RAB36: variants seen among roughly 807,000 people sequenced by gnomAD.
The protein encoded by RAB36 is ras-related protein Rab-36.
RAB36 carries 33 observed loss-of-function variants against 39.3 expected under a neutral mutation model. That is an observed-to-expected ratio of 0.84 (90% CI 0.64 to 1.12). The LOEUF is 1.12. Ranked by LOEUF, RAB36 falls within the 50% of genes most tolerant of loss-of-function variation. The pLI is 0.00. For missense variants in RAB36, 308 were observed against 355.3 expected (o/e 0.87, Z 1.07); for synonymous variants, 133 against 140.2 (o/e 0.95, Z 0.36).
In RAB36 at chr22:23,158,959, G is replaced by A. The variant is rs1201805921; in HGVS notation, c.508G>A (p.Gly170Arg). ...EAGSCFIFLV[G>R]TKKDLLSGAA... ...AGGCTCCTGCTTCATCTTCCTCGTG[G>A]GAACCAAGAAGGACCTTCTGGTGAG... The change falls in exon 8 of 11, where the codon GGA becomes AGA. Residue 170 changes from glycine (G) to arginine (R), a missense_variant. Gly to Arg is a moderately radical substitution (Grantham distance 125). Transcript: ENST00000263116. The A allele has an allele frequency of 7.4e-6, 12 of 1,614,204 alleles. No individual in the cohort carries two copies. The highest frequency in any genetic ancestry group is 8.5e-6 in the Non-Finnish European group (10 of 1,180,024).
At chr22:23,146,461 C>G in intron 1 of RAB36, 144 bp from the exon 2 acceptor site, 1 of 1,349,818 alleles carries the variant, frequency 7.4e-7, no homozygotes, top group Non-Finnish European at 9.6e-7. Context: ...ATCCTCCCAC[C>G]TTGGCCTCCC....
At chr22:23,168,495 G>A (rs190608046), downstream of RAB36, among the ~76,000 whole-genome samples, 64 of 146,740 alleles carry the variant, frequency 4.4e-4, no homozygotes, top group African/African-American at 1.4e-3. Context: ...ACCGCTCCCC[G>A]CCACACACAC....
At chr22:23,155,900 T>C (rs2071420344) in intron 5 of RAB36, 68 bp from the exon 6 acceptor site, 1 of 1,438,180 alleles carries the variant, frequency 7.0e-7, no homozygotes, top group Non-Finnish European at 9.4e-7. Context: ...TCCCGTAGCC[T>C]GTTGGCTCAA....
At chr22:23,157,254 GTT>G (rs57940333) in intron 6 of RAB36, among the ~76,000 whole-genome samples, 29 of 145,990 alleles carry the variant, frequency 2.0e-4, no homozygotes, top group Middle Eastern at 3.4e-3. Context: ...GGACTAACAG[GTT>G]TTTTTTTTTT....
downstream of RAB36, among the ~76,000 whole-genome samples, chr22:23,168,756 G>A (rs535982976): frequency 6.6e-6 from 1 of 152,086 alleles, no homozygotes; most frequent in Non-Finnish European, 1.5e-5. Flanking sequence ...CAGTGTCTAA[G>A]CCTGGGCCCC....
In RAB36 at chr22:23,151,027, C is replaced by G. The variant is rs145493284; in HGVS notation, c.161+873C>G. Among the ~76,000 whole-genome samples, 488 of 152,336 alleles carry G rather than the reference C, an allele frequency of 3.2e-3. 4 individuals carry two copies. The highest frequency in any genetic ancestry group is 0.011 in the African/African-American group (460 of 41,568). On this transcript the variant is annotated intron_variant, in intron 3 of 10. Transcript: ENST00000263116. ...CATTCCTTCTTTTAACAAATAGGTA[C>G]AAGGGCCTGCTTTTGCCCCTCTTCC...
At chr22:23,152,613 T>G in intron 4 of RAB36, 87 bp downstream of exon 4, 1 of 1,283,250 alleles carries the variant, frequency 7.8e-7, no homozygotes, top group South Asian at 1.2e-5. Context: ...AATATCAACA[T>G]AGCAGAAATC....
chr22:23,160,127 C>G (rs1180734509), intron 9 of RAB36, among the ~76,000 whole-genome samples: 1 of 152,162 alleles, frequency 6.6e-6, no homozygotes, highest in African/African-American at 2.4e-5. Context: ...GAGGGGACAG[C>G]AGATATCTAG....
intron 3 of RAB36, 86 bp from the exon 4 acceptor site, chr22:23,152,375 G>A: frequency 7.1e-7 from 1 of 1,399,336 alleles, no homozygotes; most frequent in South Asian, 1.2e-5. Context: ...CTCACCAGCA[G>A]AGAGCTCAGG....
At position 23,153,063 on chromosome 22, in the gene RAB36, C is replaced by T. The variant is rs771996756; in HGVS notation, c.258C>T (p.Tyr86=). The change falls in exon 5 of 11, where the codon TAC becomes TAT. Residue 86 remains tyrosine (Y), a synonymous_variant. Coordinates refer to ENST00000263116, the MANE Select transcript of RAB36 (RefSeq NM_004914.5). The part of the protein sequence containing the change: ...RFCKNVFDRD[Y]KATIGVDFEI... Reference sequence around the variant, plus strand: ...GCAAGAATGTTTTTGATCGAGACTACAAGGCCACCATTGGGGTGGACTTTG... The same window carrying T: ...GCAAGAATGTTTTTGATCGAGACTATAAGGCCACCATTGGGGTGGACTTTG... 3.1e-6 allele frequency: 5 copies of T among 1,614,084 alleles called. No homozygotes were observed. In the Admixed American group the frequency reaches 6.7e-5, roughly 22 times the overall value.
In RAB36 at chr22:23,162,689, T is replaced by C. The variant is rs1308060077; in HGVS notation, c.*1125T>C. The C allele has an allele frequency of 2.2e-6, 1 of 456,296 alleles. No individual in the cohort carries two copies. The highest frequency in any genetic ancestry group is 6.9e-5 in the East Asian group (1 of 14,390). 28.3% of individuals were successfully genotyped at this position (456,296 alleles called of 1,614,324 possible). ...CAGCCCCAGGCCCCTGTCACCTGGC[T>C]ATGCCCACTCATCCCACCCGTCTCG... On this transcript the variant is annotated 3_prime_UTR_variant, in exon 11 of 11. Coordinates refer to ENST00000263116, the MANE Select transcript of RAB36 (RefSeq NM_004914.5).
At chr22:23,159,128 C>CGGG in intron 8 of RAB36, 35 bp from the exon 9 acceptor site, 1 of 1,601,324 alleles carries the variant, frequency 6.2e-7, no homozygotes, top group East Asian at 2.2e-5. Context: ...GCAGGAGAGC[C>CGGG]GGGACGCTGG....
chr22:23,158,362 C>T (rs1240478798), intron 7 of RAB36, among the ~76,000 whole-genome samples: 1 of 152,226 alleles, frequency 6.6e-6, no homozygotes, highest in Non-Finnish European at 1.5e-5. Context: ...GAATGAGGTG[C>T]CCCACGTGTT....
At chr22:23,154,942 A>G (rs2071371514) in intron 5 of RAB36, among the ~76,000 whole-genome samples, 2 of 152,152 alleles carry the variant, frequency 1.3e-5, no homozygotes, top group Non-Finnish European at 1.5e-5. Context: ...CCTGACCAAC[A>G]TGGAGAAACC....
rs1166460846 is a variant in RAB36 at position 23,152,485 on chromosome 22, G to A, written c.186G>A (p.Val62=). Residue 62 remains valine (V), a synonymous_variant, in exon 4 of 11, where the codon GTG becomes GTA. Transcript: ENST00000263116. Reference sequence around the variant, plus strand: ...GGCTCAAACTCTCCAAGGTGGTGGTGGTTGGCGATCTCTACGTGGGGAAGA... The same window carrying A: ...GGCTCAAACTCTCCAAGGTGGTGGTAGTTGGCGATCTCTACGTGGGGAAGA... The part of the protein sequence containing the change: ...TVGLKLSKVV[V]VGDLYVGKTS... 17 of 1,614,176 alleles carry A rather than the reference G, an allele frequency of 1.1e-5. No individual in the cohort carries two copies. The highest frequency in any genetic ancestry group is 1.7e-5 in the Admixed American group (1 of 60,028).
intron 3 of RAB36, 110 bp downstream of exon 3, chr22:23,150,264 T>G: frequency 1.2e-6 from 1 of 851,232 alleles, no homozygotes; most frequent in Non-Finnish European, 1.9e-6. Context: ...GGTGCAGCCC[T>G]GTACAGGCCT....
rs920228190 is a variant in RAB36, at chr22:23,164,142, A to G, written c.*2578A>G. The G allele has an allele frequency of 3.9e-5, 6 of 152,266 alleles. No individual in the cohort carries two copies. The highest frequency in any genetic ancestry group is 8.8e-5 in the Non-Finnish European group (6 of 68,060). The allele number at this position is 152,266 out of a possible 1,614,324, so 9.4% of individuals were successfully genotyped here. On this transcript the variant is annotated 3_prime_UTR_variant, in exon 11 of 11. Coordinates refer to ENST00000263116, the MANE Select transcript of RAB36 (RefSeq NM_004914.5). ...ATTAGGAAGACCAGGTTTGCTGGGC[A>G]TAAGCTTCACAGGACGGGAGAACCT...
chr22:23,156,719 C>CA (rs768681741), intron 6 of RAB36, among the ~76,000 whole-genome samples: 1 of 152,184 alleles, frequency 6.6e-6, no homozygotes, highest in Non-Finnish European at 1.5e-5. Flanking sequence ...TTAAAAGAAG[C>CA]AAAAATAGGA....
intron 5 of RAB36, among the ~76,000 whole-genome samples, chr22:23,155,491 A>G (rs1489099789): frequency 6.6e-6 from 1 of 152,104 alleles, no homozygotes; most frequent in Non-Finnish European, 1.5e-5. Context: ...TCCAACTCCT[A>G]CTTTGGGACC....
Sources: gnomAD v4.1 joint callset for allele counts (sites outside exome capture counted in the v4.1 genomes callset) on GRCh38, gnomAD v4.1.1 for gene constraint, MANE v1.5 for transcripts, NCBI Gene and HGNC (gene_info 2026-07-23, HGNC 2026-07-21) for gene names.